RNF24: variants seen among roughly 807,000 people sequenced by gnomAD.
RNF24 encodes the protein ring finger protein 24.
A neutral mutation model predicts 20.0 loss-of-function variants in RNF24; 14 were observed. The observed-to-expected ratio is 0.70, with a 90% CI of 0.46 to 1.10. The LOEUF is 1.10. Ranked by LOEUF, RNF24 falls within the 50% of genes least tolerant of loss-of-function variation. The pLI is 0.00. For missense variants in RNF24, 124 were observed against 177.6 expected, an observed-to-expected ratio of 0.70 and a Z score of 1.71; for synonymous variants, 45 against 61.1, an observed-to-expected ratio of 0.74 and a Z score of 1.23.
chr20:3,963,084 G>A (rs1365887163), intron 2 of RNF24, among the ~76,000 whole-genome samples: 1 of 152,152 alleles, frequency 6.6e-6, no homozygotes, highest in Non-Finnish European at 1.5e-5. Context: ...GGTTTTTTCT[G>A]TAGATTACAA....
At chr20:3,978,932 C>A (rs1422719797) in intron 1 of RNF24, among the ~76,000 whole-genome samples, 1 of 151,578 alleles carries the variant, frequency 6.6e-6, no homozygotes, top group Middle Eastern at 3.2e-3. Context: ...ATGGTGAAAC[C>A]CCATCTCTAC....
chr20:4,008,635 C>G (rs1183602375), intron 1 of RNF24, among the ~76,000 whole-genome samples: 1 of 146,406 alleles, frequency 6.8e-6, no homozygotes, highest in Non-Finnish European at 1.5e-5. Context: ...GCAACCTCCA[C>G]CTCCCAGGTT....
chr20:3,961,008 G>T (rs1206214667), intron 2 of RNF24, among the ~76,000 whole-genome samples: 2 of 151,944 alleles, frequency 1.3e-5, no homozygotes, highest in African/African-American at 4.8e-5. Context: ...GGCCAGGCTG[G>T]TCTTGAACTC....
At chr20:3,942,311 C>A (rs1203579452) in intron 4 of RNF24, among the ~76,000 whole-genome samples, 1 of 145,370 alleles carries the variant, frequency 6.9e-6, no homozygotes, top group Non-Finnish European at 1.5e-5. Context: ...TGGGACTATA[C>A]ATGTGTGCCA....
rs536128409 is a variant in RNF24, at chr20:3,930,682, A to C, written c.*3381T>G. On this transcript the variant is annotated 3_prime_UTR_variant, in exon 6 of 6. Transcript: ENST00000358395. ...AATGCCCAAAAAGCCTCTGAGAAAA[A>C]TAATTCCTAGTTGTTCAAAGTAGCT... The C allele has an allele frequency of 6.6e-6, 1 of 152,450 alleles. No homozygotes were observed. Among genetic ancestry groups the C allele is most frequent in the South Asian group, 2.1e-4 (1 of 4,830 alleles). The allele number at this position is 152,450 out of a possible 1,614,324, so 9.4% of individuals were successfully genotyped here.
chr20:3,935,206 T>G (rs868659758), intron 4 of RNF24, 133 bp from the exon 5 acceptor site: 2 of 617,242 alleles, frequency 3.2e-6, no homozygotes, highest in South Asian at 2.0e-5. Flanking sequence ...AAAAAAGAAA[T>G]GAATGAATAA....
intron 1 of RNF24, among the ~76,000 whole-genome samples, chr20:3,980,606 C>T (rs6037708): frequency 1.0e-3 from 155 of 152,044 alleles, no homozygotes; most frequent in African/African-American, 3.5e-3. Flanking sequence ...AAAATAAGGG[C>T]GAACTACTGT....
intron 1 of RNF24, among the ~76,000 whole-genome samples, chr20:4,008,419 T>A (rs866732545): frequency 3.9e-5 from 2 of 50,718 alleles, no homozygotes; most frequent in African/African-American, 8.5e-5. Context: ...AATATATATA[T>A]TATATATAAT....
At chr20:3,977,824 A>G (rs1979007108) in intron 1 of RNF24, among the ~76,000 whole-genome samples, 1 of 148,866 alleles carries the variant, frequency 6.7e-6, no homozygotes. Flanking sequence ...AGATTGCGCC[A>G]CTGCACTCCA....
intron 2 of RNF24, among the ~76,000 whole-genome samples, chr20:3,959,397 T>G (rs1224373068): frequency 6.6e-6 from 1 of 152,228 alleles, no homozygotes; most frequent in African/African-American, 2.4e-5. Flanking sequence ...AGATCTACTG[T>G]CATTATCTTG....
intron 1 of RNF24, among the ~76,000 whole-genome samples, chr20:3,973,396 T>G (rs137911660): frequency 6.7e-6 from 1 of 149,370 alleles, no homozygotes; most frequent in East Asian, 2.0e-4. Flanking sequence ...CAGAAACCAG[T>G]TAAATTGAGA....
At chr20:3,975,233 A>G (rs965302408) in intron 1 of RNF24, among the ~76,000 whole-genome samples, 1 of 152,184 alleles carries the variant, frequency 6.6e-6, no homozygotes, top group Admixed American at 6.5e-5. Context: ...CTTGATCTTA[A>G]CCTCACACAC....
chr20:3,966,858 G>A (rs540241171), intron 1 of RNF24, among the ~76,000 whole-genome samples: 241 of 152,336 alleles, frequency 1.6e-3, no homozygotes, highest in Non-Finnish European at 2.9e-3. Flanking sequence ...TGTCATCAGA[G>A]GGAAGAGACA....
Position 3,933,853 on chromosome 20 carries a change from T to C in RNF24, c.*210A>G, listed in dbSNP as rs1296184382. On this transcript the variant is annotated 3_prime_UTR_variant, in exon 6 of 6. Transcript: ENST00000358395. ...AACCCGCAGGCTCATCCACTCCTCT[T>C]CTCTCGGCAGGGGGTAGTGTCAAAG... is the stretch of plus-strand genomic sequence containing the variant. 47 of 392,716 alleles carry C rather than the reference T, an allele frequency of 1.2e-4. No homozygotes were observed. Among genetic ancestry groups the C allele is most frequent in the Admixed American group, 7.2e-4 (16 of 22,232 alleles). 24.3% of individuals were successfully genotyped at this position (392,716 alleles called of 1,614,324 possible).
intron 4 of RNF24, among the ~76,000 whole-genome samples, chr20:3,936,425 T>C (rs241610): frequency 0.5 from 75,210 of 151,882 alleles, 19,732 homozygotes; most frequent in African/African-American, 0.68. Context: ...GCTTGGGGGG[T>C]AGGGTTAAGG....
chr20:3,934,938 T>C lies in RNF24; in HGVS notation c.308+56A>G, dbSNP rs2090871809. On this transcript the variant is annotated intron_variant, in intron 5 of 5. Coordinates refer to ENST00000358395, the MANE Select transcript of RNF24 (RefSeq NM_001134337.3). This position sits in a 1 kb window ranked among gnomAD's most constrained non-coding sequence, Gnocchi z 4.0. ...GCACTGCCCTAAAACCCAAAAGAAG[T>C]TGGTTGATGTGCCTCAAACTCGGGT... 2.8e-6 allele frequency: 4 copies of C among 1,453,488 alleles called. No homozygotes were observed. The South Asian group carries it at 3.4e-5, about 13-fold the overall frequency. The allele number at this position is 1,453,488 out of a possible 1,614,324, so 90.0% of individuals were successfully genotyped here.
chr20:3,956,390 C>A (rs2091143279), intron 2 of RNF24, among the ~76,000 whole-genome samples: 2 of 151,032 alleles, frequency 1.3e-5, no homozygotes, highest in South Asian at 4.2e-4. Flanking sequence ...TTCTTTGTGA[C>A]CTTTTAATGT....
intron 3 of RNF24, among the ~76,000 whole-genome samples, chr20:3,946,442 G>A (rs935627973): frequency 8.6e-5 from 13 of 151,696 alleles, no homozygotes; most frequent in African/African-American, 2.9e-4. Flanking sequence ...TGACAGAAGC[G>A]AGACCCTGTC....
chr20:3,990,377 A>G (rs1010113500), intron 1 of RNF24, among the ~76,000 whole-genome samples: 1 of 152,148 alleles, frequency 6.6e-6, no homozygotes, highest in Admixed American at 6.5e-5. Context: ...GCACTTACCT[A>G]TTGACCCAGC....
Sources: gnomAD v4.1 joint callset for allele counts (sites outside exome capture counted in the v4.1 genomes callset) on GRCh38, gnomAD v4.1.1 for gene constraint, Gnocchi (gnomAD v3.1) non-coding constraint, MANE v1.5 for transcripts, NCBI Gene and HGNC (gene_info 2026-07-23, HGNC 2026-07-21) for gene names.